IQANK1: variants seen among roughly 807,000 people sequenced by gnomAD.
IQANK1 encodes the protein IQ motif and ankyrin repeat domain-containing protein 1.
In IQANK1, 30 loss-of-function variants were observed where a neutral mutation model predicts 22.6. The observed-to-expected ratio is 1.33, with a 90% confidence interval of 0.99 to 1.80. The LOEUF is 1.80. Among genes scored for constraint, IQANK1 ranks in the 40% most tolerant of loss-of-function variants. IQANK1 has a pLI of 0.00. For missense variants in IQANK1, 275 were observed against 235.2 expected, an observed-to-expected ratio of 1.17 and a Z score of -1.11; for synonymous variants, 122 against 99.6, an observed-to-expected ratio of 1.23 and a Z score of -1.34.
chr8:143,759,001 C>A, intron 3 of IQANK1: 1 of 188,766 alleles, frequency 5.3e-6, no homozygotes. Flanking sequence ...CTCGGGTGGG[C>A]TTTCTCCATA....
chr8:143,772,188 G>A lies in IQANK1; in HGVS notation c.608G>A (p.Gly203Glu), dbSNP rs1284127336. ...NTPLSEAAAG[G>E]QPLAIQLRAE... ...CCGCTGTCGGAGGCGGCCGCAGGCG[G>A]GCAGCCCCTGGCCATCCAGCTGCGG... Residue 203 changes from glycine to glutamate, a missense_variant, in exon 6 of 14, where the codon GGG (glycine) becomes GAG (glutamate). By Grantham distance (98) the Gly-to-Glu change is moderately conservative (BLOSUM62 -2). Transcript: ENST00000527139. 2.5e-6 allele frequency: 1 copy of A among 393,784 alleles called. No homozygotes were observed. The highest frequency in any genetic ancestry group is 2.1e-5 in the African/African-American group (1 of 48,352). The allele number at this position is 393,784 out of a possible 1,614,324, so 24.4% of individuals were successfully genotyped here.
rs1182411139 is a variant in IQANK1 at position 143,771,562 on chromosome 8, C to T, written c.250C>T (p.Arg84Cys). The T allele has an allele frequency of 7.5e-6, 3 of 398,278 alleles. No individual in the cohort carries two copies. The highest frequency in any genetic ancestry group is 1.3e-5 in the Non-Finnish European group (3 of 225,864). 24.7% of individuals were successfully genotyped at this position (398,278 alleles called of 1,614,324 possible). The change falls in exon 4 of 14, where the codon CGC becomes TGC. Residue 84 changes from arginine to cysteine, a missense_variant. Arg to Cys is a radical substitution (Grantham distance 180). Transcript: ENST00000527139. The surrounding 1 kb of genome is among the most constrained non-coding windows in gnomAD (Gnocchi z 6.0). ...GCTCCGGGCCAGGAGGGAGCTCGCCCGCCGCCGGGAGGAGCGCCGGGAGTA... is the reference window on the plus strand; with the variant it reads ...GCTCCGGGCCAGGAGGGAGCTCGCCTGCCGCCGGGAGGAGCGCCGGGAGTA... ...RQLRARRELA[R>C]RREERREYLE...
At chr8:143,787,704 C>T (rs186312326) in intron 7 of IQANK1, among the ~76,000 whole-genome samples, 12 of 152,280 alleles carry the variant, frequency 7.9e-5, no homozygotes, top group African/African-American at 2.6e-4. Flanking sequence ...TCCCATGCCA[C>T]GAACCCCTTG....
intron 12 of IQANK1, 31 bp from the exon 13 acceptor site, chr8:143,790,106 C>T: frequency 3.2e-6 from 4 of 1,232,102 alleles, no homozygotes; most frequent in Non-Finnish European, 4.0e-6. Flanking sequence ...GGGGTTTGGA[C>T]AGACAGCAGT....
chr8:143,768,876 G>A (rs1415659408), intron 3 of IQANK1, among the ~76,000 whole-genome samples: 1 of 152,044 alleles, frequency 6.6e-6, no homozygotes, highest in African/African-American at 2.4e-5. Flanking sequence ...TGCAAATGAA[G>A]ATGACTTTGA....
chr8:143,748,940 T>A (rs1450846196), intron 3 of IQANK1, among the ~76,000 whole-genome samples: 1 of 110,902 alleles, frequency 9.0e-6, no homozygotes, highest in East Asian at 2.6e-4. Flanking sequence ...TAAAAATATA[T>A]ACATATATCT....
chr8:143,784,665 G>T (rs1211277884), intron 7 of IQANK1, among the ~76,000 whole-genome samples: 1 of 152,158 alleles, frequency 6.6e-6, no homozygotes, highest in African/African-American at 2.4e-5. Flanking sequence ...GTCTGTTAGG[G>T]ACCCAGGCTG....
rs1388069459 is a variant in IQANK1 at position 143,772,318 on chromosome 8, G to A, written c.664-39G>A. ...CCCTCAGGGGCCTCCTTCCCCCAGG[G>A]GCAAGGCCTGGATCTTGCTCGGGGG... On this transcript the variant is annotated intron_variant, in intron 6 of 13. Coordinates refer to ENST00000527139, the MANE Select transcript of IQANK1 (RefSeq NM_001381874.1). 8 of 398,742 alleles carry A rather than the reference G, an allele frequency of 2.0e-5. No homozygotes were observed. The East Asian group carries it at 2.9e-4, about 14-fold the overall frequency. The allele number at this position is 398,742 out of a possible 1,614,324, so 24.7% of individuals were successfully genotyped here.
intron 3 of IQANK1, among the ~76,000 whole-genome samples, chr8:143,755,015 C>G (rs1406405161): frequency 2.0e-4 from 30 of 152,172 alleles, no homozygotes; most frequent in Admixed American, 2.0e-3. Context: ...AAGCAAGTCA[C>G]AGGTCCCACC....
chr8:143,750,654 T>G (rs1471981958), intron 3 of IQANK1, among the ~76,000 whole-genome samples: 1 of 151,862 alleles, frequency 6.6e-6, no homozygotes, highest in African/African-American at 2.4e-5. Context: ...TGGGCCACAT[T>G]CTACAGAAAA....
rs1002662622 is a variant in IQANK1 at position 143,745,256 on chromosome 8, A to G, written c.175+5308A>G. ...GGCAGAGCCTGACGTGTCTCTGATC[A>G]TACTCACTGGGTCAGCAACACCCTA... is the stretch of plus-strand genomic sequence containing the variant. On this transcript the variant is annotated intron_variant, in intron 3 of 13. Transcript: ENST00000527139. 6 of 152,292 alleles carry G rather than the reference A, an allele frequency of 3.9e-5. No individual in the cohort carries two copies. In the South Asian group the frequency reaches 1.2e-3, roughly 32 times the overall value. The allele number at this position is 152,292 out of a possible 1,614,324, so 9.4% of individuals were successfully genotyped here. A position where few individuals can be genotyped will look rare whatever the true frequency, so the allele number is the denominator to read the frequency against.
At chr8:143,747,598 C>T (rs1199086103) in intron 3 of IQANK1, among the ~76,000 whole-genome samples, 1 of 151,398 alleles carries the variant, frequency 6.6e-6, no homozygotes, top group Non-Finnish European at 1.5e-5. Flanking sequence ...TCCTAATTTT[C>T]TTTGTGATTT....
At chr8:143,781,018 C>T (rs1445400078) in intron 7 of IQANK1, among the ~76,000 whole-genome samples, 4 of 152,192 alleles carry the variant, frequency 2.6e-5, no homozygotes, top group African/African-American at 9.7e-5. Flanking sequence ...AGTAGCCATT[C>T]TGGCTGGTAT....
intron 7 of IQANK1, among the ~76,000 whole-genome samples, chr8:143,784,713 T>C (rs1022501600): frequency 6.6e-6 from 1 of 152,034 alleles, no homozygotes; most frequent in Admixed American, 6.6e-5. Context: ...CTGGTCAGTA[T>C]ACCAGAGGGA....
chr8:143,777,089 G>C (rs372974829), intron 7 of IQANK1, among the ~76,000 whole-genome samples: 1 of 152,126 alleles, frequency 6.6e-6, no homozygotes, highest in African/African-American at 2.4e-5. Context: ...TTGTGCCACT[G>C]TCCTCCAGCC....
intron 7 of IQANK1, among the ~76,000 whole-genome samples, chr8:143,777,275 G>A (rs1226553444): frequency 6.6e-6 from 1 of 151,964 alleles, no homozygotes; most frequent in East Asian, 1.9e-4. Flanking sequence ...CAGCACTTTG[G>A]GAAGCTGAGG....
chr8:143,752,996 GT>G (rs34993930), intron 3 of IQANK1, among the ~76,000 whole-genome samples: 8,306 of 69,158 alleles, frequency 0.12, 50 homozygotes, highest in East Asian at 0.28. Context: ...CTCTCTGTTC[GT>G]TTTTTTTTTT....
intron 2 of IQANK1, among the ~76,000 whole-genome samples, chr8:143,738,652 G>A (rs1428280529): frequency 1.3e-5 from 2 of 152,248 alleles, no homozygotes; most frequent in Non-Finnish European, 2.9e-5. Flanking sequence ...GCTGTGCGCA[G>A]CAACGGGCGT....
intron 3 of IQANK1, among the ~76,000 whole-genome samples, chr8:143,746,874 A>G (rs1819042178): frequency 6.6e-6 from 1 of 151,590 alleles, no homozygotes; most frequent in Non-Finnish European, 1.5e-5. Flanking sequence ...TTATTTATTT[A>G]TTTTATTTTA....
Sources: allele counts gnomAD v4.1 joint callset (sites outside exome capture counted in the v4.1 genomes callset), GRCh38; gene constraint gnomAD v4.1.1; non-coding constraint Gnocchi (gnomAD v3.1); transcripts MANE v1.5; gene names NCBI Gene and HGNC (gene_info 2026-07-23, HGNC 2026-07-21).